The following RIN2 variants were observed in gnomAD, a reference collection of about 807,000 sequenced individuals.
The protein encoded by RIN2 is RAB5 interacting protein 2.
A neutral mutation model predicts 78.0 loss-of-function variants in RIN2; 36 were observed. The observed-to-expected ratio is 0.46, with a 90% CI of 0.35 to 0.61. RIN2 has a LOEUF of 0.61. Among genes scored for constraint, RIN2 ranks in the 20% least tolerant of loss-of-function variants. The probability of loss-of-function intolerance (pLI) is 0.00; values close to 1 mark genes in which losing one functional copy is unlikely to be tolerated. For missense variants in RIN2, 1,087 were observed against 1,159.7 expected (o/e 0.94, Z 0.91); for synonymous variants, 466 against 466.8 (o/e 1.00, Z 0.02).
intron 2 of RIN2, among the ~76,000 whole-genome samples, chr20:19,838,937 T>G (rs1468055486): frequency 1.3e-5 from 2 of 152,048 alleles, no homozygotes; most frequent in Non-Finnish European, 2.9e-5. Flanking sequence ...CAACACCAGC[T>G]TGTCAGCCTG....
Position 19,956,835 on chromosome 20 carries a change from T to C in RIN2, c.351+28T>C. ...AAGACTCAGAACCTCGGGAAGCAGGTTGAAGCAGGCAGGACTGCTGCCGGC... is the reference window on the plus strand; with the variant it reads ...AAGACTCAGAACCTCGGGAAGCAGGCTGAAGCAGGCAGGACTGCTGCCGGC... On this transcript the variant is annotated intron_variant, in intron 5 of 12. Transcript: ENST00000255006. 3 of 1,514,884 alleles carry C rather than the reference T, an allele frequency of 2.0e-6. No homozygotes were observed. The East Asian group carries it at 7.2e-5, about 36-fold the overall frequency. 93.8% of individuals were successfully genotyped at this position (1,514,884 alleles called of 1,614,324 possible). A position where few individuals can be genotyped will look rare whatever the true frequency, so the allele number is the denominator to read the frequency against.
chr20:19,997,938 G>A (rs1217045451), intron 12 of RIN2, among the ~76,000 whole-genome samples: 2 of 151,824 alleles, frequency 1.3e-5, no homozygotes, highest in Non-Finnish European at 2.9e-5. Flanking sequence ...CAGGGATGTG[G>A]AAAGCAAGAC....
At chr20:19,844,669 C>CCTCTTCCTCTTCCTCTTCTTCTTCTT (rs1568807647) in intron 2 of RIN2, among the ~76,000 whole-genome samples, 2 of 76,166 alleles carry the variant, frequency 2.6e-5, no homozygotes, top group African/African-American at 1.2e-4. Flanking sequence ...TCTTCTTCTT[C>CCTCTTCCTCTTCCTCTTCTTCTTCTT]CTTCTTCTTC....
At chr20:19,997,384 G>A (rs769641036) in intron 12 of RIN2, among the ~76,000 whole-genome samples, 4 of 152,136 alleles carry the variant, frequency 2.6e-5, no homozygotes, top group African/African-American at 9.7e-5. Flanking sequence ...GGCTTTTCCT[G>A]ACCGTGAGCT....
intron 4 of RIN2, among the ~76,000 whole-genome samples, chr20:19,935,911 G>C (rs1258717579): frequency 6.6e-6 from 1 of 152,196 alleles, no homozygotes; most frequent in Non-Finnish European, 1.5e-5. Context: ...TCGTGCCTTA[G>C]AGGCCAGATT....
intron 3 of RIN2, among the ~76,000 whole-genome samples, chr20:19,891,916 T>TATCA (rs1355618435): frequency 7.9e-5 from 12 of 152,252 alleles, no homozygotes; most frequent in Non-Finnish European, 1.5e-4. Flanking sequence ...ATGTACTACC[T>TATCA]ATCATCAAGT....
intron 2 of RIN2, among the ~76,000 whole-genome samples, chr20:19,883,075 A>T (rs2123448907): frequency 6.6e-6 from 1 of 152,224 alleles, no homozygotes; most frequent in South Asian, 2.1e-4. Context: ...CTGTATGCAG[A>T]CTTTTCAATG....
intron 1 of RIN2, among the ~76,000 whole-genome samples, chr20:19,792,413 G>A (rs1018425283): frequency 2.6e-5 from 4 of 152,126 alleles, no homozygotes; most frequent in Admixed American, 6.5e-5. Context: ...GAATCCACCC[G>A]GGTCATCAGA....
intron 1 of RIN2, among the ~76,000 whole-genome samples, chr20:19,761,655 G>T (rs1476904951): frequency 6.6e-6 from 1 of 152,196 alleles, no homozygotes; most frequent in African/African-American, 2.4e-5. Context: ...ATTTTGGATA[G>T]TAAAAATGTA....
At chr20:19,844,897 C>G (rs1005851605) in intron 2 of RIN2, among the ~76,000 whole-genome samples, 1 of 151,966 alleles carries the variant, frequency 6.6e-6, no homozygotes. Flanking sequence ...CCCCACCCCC[C>G]AACAGGCCCC....
chr20:19,993,249 C>T (rs1248817875), intron 11 of RIN2, among the ~76,000 whole-genome samples: 1 of 151,530 alleles, frequency 6.6e-6, no homozygotes, highest in Non-Finnish European at 1.5e-5. Flanking sequence ...CCCAGACAAG[C>T]CCTGGGGGGG....
chr20:19,924,489 C>CCCACCTTCATACCCT (rs2040119974), intron 3 of RIN2, among the ~76,000 whole-genome samples: 2 of 35,206 alleles, frequency 5.7e-5, no homozygotes. Flanking sequence ...CCTTCATACC[C>CCCACCTTCATACCCT]CACCTTCATA....
chr20:19,797,596 G>C (rs1220086827), intron 1 of RIN2, among the ~76,000 whole-genome samples: 9 of 152,190 alleles, frequency 5.9e-5, no homozygotes, highest in African/African-American at 2.2e-4. Flanking sequence ...GTAAAGATTA[G>C]AAGACATTGT....
chr20:19,849,913 A>C (rs187671439), intron 2 of RIN2, among the ~76,000 whole-genome samples: 3 of 152,288 alleles, frequency 2.0e-5, no homozygotes, highest in African/African-American at 7.2e-5. Context: ...TTAAAGATCG[A>C]AATTTTCCCT....
chr20:19,893,023 G>C (rs1277158540), intron 3 of RIN2, among the ~76,000 whole-genome samples: 1 of 152,172 alleles, frequency 6.6e-6, no homozygotes, highest in African/African-American at 2.4e-5. Context: ...CAGTCTGGTA[G>C]CAAATAAAGA....
rs2033815298 is a variant in RIN2, at chr20:19,764,926, T to TTTTTTTTTTTG, written c.-163+6609_-163+6610insGTTTTTTTTTT. 1.7e-5 allele frequency among the ~76,000 whole-genome samples: 2 copies of TTTTTTTTTTTG among 116,576 alleles called. 1 individual carries two copies. Among genetic ancestry groups the TTTTTTTTTTTG allele is most frequent in the Non-Finnish European group, 3.5e-5 (2 of 57,150 alleles). The allele number at this position is 116,576 out of a possible 152,430, so 76.5% of individuals were successfully genotyped here. Reference sequence around the variant, plus strand: ...CCCACTTCACTTTCTGCGTTTTTTTTTTTTTTTTTTTTTTTTTGACAGAGT... The same window carrying TTTTTTTTTTTG: ...CCCACTTCACTTTCTGCGTTTTTTTTTTTTTTTTTTGTTTTTTTTTTTTTTTTTGACAGAGT... On this transcript the variant is annotated intron_variant, in intron 1 of 12. Coordinates refer to ENST00000255006, the MANE Select transcript of RIN2 (RefSeq NM_018993.4).
intron 9 of RIN2, among the ~76,000 whole-genome samples, chr20:19,989,272 CTTTTTTTTTTTT>C (rs11455546): frequency 9.1e-6 from 1 of 109,374 alleles, no homozygotes; most frequent in African/African-American, 3.3e-5. Context: ...AGAAAACATT[CTTTTTTTTTTTT>C]TTTTTTTGAG....
At chr20:19,853,059 T>C (rs182190905) in intron 2 of RIN2, among the ~76,000 whole-genome samples, 2 of 119,454 alleles carry the variant, frequency 1.7e-5, no homozygotes, top group African/African-American at 3.3e-5. Context: ...CAGGCCCCAG[T>C]GTGTGATGTT....
At chr20:19,875,160 A>C (rs1244958067) in intron 2 of RIN2, among the ~76,000 whole-genome samples, 1 of 148,860 alleles carries the variant, frequency 6.7e-6, no homozygotes, top group African/African-American at 2.5e-5. Context: ...CGCACCCAGC[A>C]GATAATTTTT....
Sources: gnomAD v4.1 joint callset for allele counts (sites outside exome capture counted in the v4.1 genomes callset) on GRCh38, gnomAD v4.1.1 for gene constraint, MANE v1.5 for transcripts, NCBI Gene and HGNC (gene_info 2026-07-23, HGNC 2026-07-21) for gene names.